FABP12: variants seen among roughly 807,000 people sequenced by gnomAD.
FABP12 encodes fatty acid-binding protein 12.
Under a neutral mutation model 13.7 loss-of-function variants are expected in FABP12, and 19 were observed. That is an observed-to-expected ratio of 1.39 (90% confidence interval 0.97 to 2.04). The LOEUF is 2.04. FABP12 is among the 30% of genes most tolerant of loss of function. FABP12 has a pLI of 0.00. For synonymous variants in FABP12, 61 were observed against 57.0 expected, an observed-to-expected ratio of 1.07 and a Z score of -0.32; for missense variants, 182 against 164.2, an observed-to-expected ratio of 1.11 and a Z score of -0.59.
intron 1 of FABP12, among the ~76,000 whole-genome samples, chr8:81,582,215 C>G (rs953093375): frequency 6.7e-6 from 1 of 149,600 alleles, no homozygotes; most frequent in Non-Finnish European, 1.5e-5. Context: ...CTCTGCCTCC[C>G]GGGTTCAAGT....
upstream of FABP12, among the ~76,000 whole-genome samples, chr8:81,538,243 C>G (rs1809271118): frequency 6.6e-6 from 1 of 152,156 alleles, no homozygotes; most frequent in Non-Finnish European, 1.5e-5. Context: ...CACCTCCCAC[C>G]AGGCCCCACC....
intron 4 of FABP12, chr8:81,526,451 C>T (rs1808901644): frequency 6.6e-6 from 1 of 152,184 alleles, no homozygotes; most frequent in Admixed American, 6.5e-5. Context: ...AGCTGCATAT[C>T]CTTAGGTAAG....
intron 1 of FABP12, among the ~76,000 whole-genome samples, chr8:81,533,499 C>T (rs1809138662): frequency 6.6e-6 from 1 of 152,146 alleles, no homozygotes; most frequent in South Asian, 2.1e-4. Context: ...CATTCCAAGC[C>T]ACTGTGTCCT....
intron 1 of FABP12, among the ~76,000 whole-genome samples, chr8:81,573,154 T>C (rs1043192443): frequency 6.6e-5 from 10 of 152,210 alleles, no homozygotes; most frequent in Admixed American, 6.5e-4. Flanking sequence ...TCCAGTTTCA[T>C]TCTCCTACAT....
intron 1 of FABP12, among the ~76,000 whole-genome samples, chr8:81,589,314 T>C (rs112762580): frequency 0.025 from 3,834 of 152,282 alleles, 126 homozygotes; most frequent in African/African-American, 0.077. Flanking sequence ...CTCAGCACTT[T>C]GGGAGGCCAA....
chr8:81,546,018 A>G (rs1369778142), intron 1 of FABP12, among the ~76,000 whole-genome samples: 2 of 152,234 alleles, frequency 1.3e-5, no homozygotes, highest in Admixed American at 6.5e-5. Flanking sequence ...TTGAAATGTC[A>G]TGAGTATCCT....
At chr8:81,548,169 C>T (rs1413947556) in intron 1 of FABP12, among the ~76,000 whole-genome samples, 2 of 152,164 alleles carry the variant, frequency 1.3e-5, no homozygotes, top group African/African-American at 4.8e-5. Flanking sequence ...ATGTCCACCC[C>T]TGGTAATTAA....
At chr8:81,560,803 A>G (rs1809710242) in intron 1 of FABP12, among the ~76,000 whole-genome samples, 2 of 152,140 alleles carry the variant, frequency 1.3e-5, no homozygotes, top group South Asian at 2.1e-4. Context: ...TGGCAGAGCT[A>G]AGCAAGGACG....
At chr8:81,584,450 C>A (rs1454062753) in intron 1 of FABP12, among the ~76,000 whole-genome samples, 1 of 152,220 alleles carries the variant, frequency 6.6e-6, no homozygotes. Flanking sequence ...ATTGCCACAG[C>A]AGATACCTAC....
chr8:81,531,124 T>C (rs1809063499), intron 2 of FABP12, 119 bp downstream of exon 2: 1 of 704,778 alleles, frequency 1.4e-6, no homozygotes, highest in African/African-American at 1.8e-5. Flanking sequence ...TCAATATTTA[T>C]TTTTTCCTAT....
intron 1 of FABP12, among the ~76,000 whole-genome samples, chr8:81,540,297 C>T (rs1809315237): frequency 6.6e-6 from 1 of 152,238 alleles, no homozygotes; most frequent in South Asian, 2.1e-4. Context: ...ATTGACCACA[C>T]TTAGACTCAC....
At chr8:81,586,358 C>T (rs1810239019) in intron 1 of FABP12, among the ~76,000 whole-genome samples, 1 of 152,122 alleles carries the variant, frequency 6.6e-6, no homozygotes, top group Admixed American at 6.6e-5. Context: ...GGTATATACC[C>T]AGTTATGGGA....
Position 81,560,814 on chromosome 8 carries a change from CT to C in FABP12, c.-184-21072del, listed in dbSNP as rs145757250. Among the ~76,000 whole-genome samples the C allele has an allele frequency of 9.9e-3, 1,506 of 152,304 alleles. 15 individuals carry two copies. The highest frequency in any genetic ancestry group is 0.033 in the African/African-American group (1,351 of 41,564). On this transcript the variant is annotated intron_variant, in intron 1 of 5. Coordinates refer to the FABP12 transcript ENST00000692030. ...TAGGTGGCAGAGCTAAGCAAGGACG[CT>C]GTGACATTAAAGTCCATGCTCTTAA...
chr8:81,534,945 T>TAA (rs147191229), upstream of FABP12, among the ~76,000 whole-genome samples: 5 of 149,598 alleles, frequency 3.3e-5, no homozygotes, highest in African/African-American at 1.2e-4. Flanking sequence ...CTCAAAAAAT[T>TAA]AAAAAAAAAA....
At chr8:81,539,928 G>T (rs1196136742) in intron 1 of FABP12, among the ~76,000 whole-genome samples, 1 of 152,170 alleles carries the variant, frequency 6.6e-6, no homozygotes, top group Non-Finnish European at 1.5e-5. Flanking sequence ...TCAGATTATT[G>T]CAGAGTAGCA....
chr8:81,572,922 T>C (rs1362586279), intron 1 of FABP12, among the ~76,000 whole-genome samples: 1 of 143,806 alleles, frequency 7.0e-6, no homozygotes, highest in African/African-American at 2.4e-5. Flanking sequence ...TGCTAACTGT[T>C]CTTTTGCCCT....
chr8:81,563,867 G>A (rs913119198), intron 1 of FABP12, among the ~76,000 whole-genome samples: 1 of 152,108 alleles, frequency 6.6e-6, no homozygotes, highest in Non-Finnish European at 1.5e-5. Flanking sequence ...AGGGTAGAAA[G>A]TTAATTCAAA....
chr8:81,569,305 T>C (rs964056616), intron 1 of FABP12, among the ~76,000 whole-genome samples: 5 of 152,224 alleles, frequency 3.3e-5, no homozygotes, highest in Admixed American at 1.3e-4. Context: ...CAGATAGATG[T>C]TTCTTAGAAA....
At chr8:81,584,271 G>A (rs929938922) in intron 1 of FABP12, among the ~76,000 whole-genome samples, 1 of 152,186 alleles carries the variant, frequency 6.6e-6, no homozygotes, top group African/African-American at 2.4e-5. Flanking sequence ...TTAGACTGCA[G>A]GAGGTGAGTG....
Sources: gnomAD v4.1 joint callset for allele counts (sites outside exome capture counted in the v4.1 genomes callset) on GRCh38, gnomAD v4.1.1 for gene constraint, MANE v1.5 for transcripts, NCBI Gene and HGNC (gene_info 2026-07-23, HGNC 2026-07-21) for gene names.